ULK4: variants seen among roughly 807,000 people sequenced by gnomAD.
The protein encoded by ULK4 is inactive serine/threonine-protein kinase ULK4.
A neutral mutation model predicts 160.6 loss-of-function variants in ULK4; 133 were observed. The observed-to-expected ratio is 0.83, with a 90% CI of 0.72 to 0.96. The LOEUF is 0.96. Ranked by LOEUF, ULK4 falls within the 40% of genes least tolerant of loss-of-function variation. The pLI, the probability that ULK4 is intolerant of heterozygous loss-of-function variation, is 0.00. For missense variants in ULK4, 1,580 were observed against 1,499.5 expected, an observed-to-expected ratio of 1.05 and a Z score of -0.89; for synonymous variants, 534 against 539.8, an observed-to-expected ratio of 0.99 and a Z score of 0.15.
At chr3:41,783,733 A>G (rs74888793) in intron 21 of ULK4, among the ~76,000 whole-genome samples, 15 of 152,284 alleles carry the variant, frequency 9.9e-5, no homozygotes, top group African/African-American at 3.6e-4. Flanking sequence ...TCTGATAACA[A>G]TTAAAGTAAA....
intron 35 of ULK4, among the ~76,000 whole-genome samples, chr3:41,320,381 AC>A (rs2080223392): frequency 6.6e-6 from 1 of 152,196 alleles, no homozygotes; most frequent in African/African-American, 2.4e-5. Context: ...ATACAAGTCA[AC>A]TGTTGCAAGA....
intron 32 of ULK4, among the ~76,000 whole-genome samples, chr3:41,495,736 AAAAC>A (rs1023150479): frequency 3.3e-5 from 5 of 151,970 alleles, no homozygotes; most frequent in South Asian, 2.1e-4. Context: ...GTACAAGAAA[AAAAC>A]AAACAACCCC....
At chr3:41,671,335 A>C (rs867092613) in intron 29 of ULK4, among the ~76,000 whole-genome samples, 2 of 152,322 alleles carry the variant, frequency 1.3e-5, no homozygotes, top group Middle Eastern at 3.4e-3. Flanking sequence ...ACCTGACTTC[A>C]AAATATATTA....
chr3:41,538,170 A>C (rs549599617), intron 32 of ULK4, among the ~76,000 whole-genome samples: 5 of 152,112 alleles, frequency 3.3e-5, no homozygotes, highest in Non-Finnish European at 7.4e-5. Flanking sequence ...CTTTTGCTTT[A>C]ATCAGTCATA....
chr3:41,896,546 G>A (rs1336801461), intron 15 of ULK4, among the ~76,000 whole-genome samples: 2 of 152,112 alleles, frequency 1.3e-5, no homozygotes, highest in Non-Finnish European at 2.9e-5. Flanking sequence ...GAGCCACTAC[G>A]CCCAGCCTGA....
intron 32 of ULK4, among the ~76,000 whole-genome samples, chr3:41,475,964 G>T (rs1359078337): frequency 6.7e-6 from 1 of 148,770 alleles, no homozygotes; most frequent in African/African-American, 2.5e-5. Context: ...AGGATGGAGG[G>T]AAAGAGGGAG....
intron 17 of ULK4, among the ~76,000 whole-genome samples, chr3:41,869,837 G>A (rs1697027085): frequency 6.6e-6 from 1 of 151,892 alleles, no homozygotes; most frequent in Non-Finnish European, 1.5e-5. Context: ...TGTAAACCCA[G>A]GTTTATATTT....
chr3:41,416,626 G>T (rs2082532378), intron 34 of ULK4, among the ~76,000 whole-genome samples: 1 of 152,144 alleles, frequency 6.6e-6, no homozygotes, highest in Non-Finnish European at 1.5e-5. Flanking sequence ...TTACTATAGT[G>T]CTGGCAGGAA....
At chr3:41,389,595 T>C (rs2081906972) in intron 35 of ULK4, among the ~76,000 whole-genome samples, 1 of 152,210 alleles carries the variant, frequency 6.6e-6, no homozygotes, top group Non-Finnish European at 1.5e-5. Context: ...TTGTTGAATT[T>C]TGTCAAAGGC....
At chr3:41,499,482 C>A (rs924105023) in intron 32 of ULK4, among the ~76,000 whole-genome samples, 5 of 152,088 alleles carry the variant, frequency 3.3e-5, no homozygotes, top group African/African-American at 1.2e-4. Flanking sequence ...GAGGGCAGAA[C>A]ACCTTGGGCA....
intron 1 of ULK4, among the ~76,000 whole-genome samples, chr3:41,961,550 A>ACCCC (rs201424516): frequency 1.6e-5 from 2 of 124,692 alleles, no homozygotes; most frequent in African/African-American, 8.5e-5. Context: ...GTAGTCACTC[A>ACCCC]CCCCCCCCCC....
chr3:41,266,340 C>G (rs1181122760), intron 35 of ULK4, among the ~76,000 whole-genome samples: 1 of 152,202 alleles, frequency 6.6e-6, no homozygotes, highest in African/African-American at 2.4e-5. Context: ...AACTGAATCT[C>G]TAATGGGTGA....
intron 34 of ULK4, among the ~76,000 whole-genome samples, chr3:41,436,008 C>G (rs148834477): frequency 1.6e-3 from 243 of 152,118 alleles, no homozygotes; most frequent in Non-Finnish European, 1.5e-3. Flanking sequence ...CCCCAACTTA[C>G]GATGATTTTA....
intron 1 of ULK4, among the ~76,000 whole-genome samples, chr3:41,957,710 C>T (rs1156631898): frequency 1.3e-5 from 2 of 148,762 alleles, no homozygotes; most frequent in Non-Finnish European, 3.0e-5. Flanking sequence ...GAGACCATGT[C>T]TCAGAAAAAA....
intron 35 of ULK4, among the ~76,000 whole-genome samples, chr3:41,373,681 G>C (rs766406359): frequency 6.6e-6 from 1 of 152,188 alleles, no homozygotes; most frequent in Non-Finnish European, 1.5e-5. Context: ...ACAGGAGAAA[G>C]CGGGAAAGAT....
At chr3:41,305,763 C>T (rs2079902367) in intron 35 of ULK4, among the ~76,000 whole-genome samples, 2 of 136,582 alleles carry the variant, frequency 1.5e-5, no homozygotes, top group South Asian at 4.8e-4. Flanking sequence ...GCCGTCCCAC[C>T]TAGGAAGTGA....
At chr3:41,872,965 C>T (rs1697155064) in intron 17 of ULK4, among the ~76,000 whole-genome samples, 1 of 152,066 alleles carries the variant, frequency 6.6e-6, no homozygotes, top group African/African-American at 2.4e-5. Context: ...CCAGCCTGGC[C>T]AAGATGGTGA....
chr3:41,839,557 A>G (rs7621963), intron 17 of ULK4, among the ~76,000 whole-genome samples: 10,865 of 151,578 alleles, frequency 0.072, 1,226 homozygotes, highest in African/African-American at 0.24. Context: ...ACTACGAACA[A>G]CTGTATATAT....
chr3:41,400,519 CT>C (rs1412177318), intron 34 of ULK4, among the ~76,000 whole-genome samples: 3 of 152,170 alleles, frequency 2.0e-5, no homozygotes, highest in Non-Finnish European at 4.4e-5. Context: ...TAGTTCATTT[CT>C]TTTTATTACT....
Sources: gnomAD v4.1 joint callset for allele counts (sites outside exome capture counted in the v4.1 genomes callset) on GRCh38, gnomAD v4.1.1 for gene constraint, MANE v1.5 for transcripts, NCBI Gene and HGNC (gene_info 2026-07-23, HGNC 2026-07-21) for gene names.